Variants in GNPTAB observed in about 807,000 individuals in gnomAD.
GNPTAB encodes the protein N-acetylglucosamine-1-phosphotransferase subunits alpha/beta.
Under a neutral mutation model 136.6 loss-of-function variants are expected in GNPTAB, and 92 were observed. The observed-to-expected ratio is 0.67, with a 90% CI of 0.57 to 0.80. The LOEUF is 0.80. Among genes scored for constraint, GNPTAB ranks in the 30% least tolerant of loss-of-function variants. GNPTAB has a pLI of 0.00. For synonymous variants in GNPTAB, 512 were observed against 535.1 expected (o/e 0.96, Z 0.60); for missense variants, 1,343 against 1,501.8 (o/e 0.89, Z 1.75).
intron 2 of GNPTAB, among the ~76,000 whole-genome samples, chr12:101,795,716 G>C (rs572886311): frequency 6.6e-6 from 1 of 151,876 alleles, no homozygotes; most frequent in African/African-American, 2.4e-5. Flanking sequence ...TCGTGCCACT[G>C]CGCTCCAGCC....
chr12:101,753,262 A>T (rs553008041), intron 19 of GNPTAB, 110 bp downstream of exon 19: 31 of 1,034,962 alleles, frequency 3.0e-5, no homozygotes, highest in Admixed American at 1.4e-4. Flanking sequence ...TCAAAAAAAA[A>T]AAATAAAAAG....
Position 101,764,558 on chromosome 12 carries a change from T to G in GNPTAB, c.2359A>C (p.Arg787=). 1 of 1,613,412 alleles carries G rather than the reference T, an allele frequency of 6.2e-7. No homozygotes were observed. The highest frequency in any genetic ancestry group is 1.1e-5 in the South Asian group (1 of 90,850). ...ACACTCACTGCAGGAAAAGTCAACC[T>G]CTGCAATCTTTCAGACACTCCTAAG... is the stretch of plus-strand genomic sequence containing the variant. ...NSLGVSERLQ[R]LTFPAVSVKV... Residue 787 remains arginine, a synonymous_variant, in exon 13 of 21, where the codon AGG becomes CGG. Transcript: ENST00000299314.
intron 18 of GNPTAB, 94 bp downstream of exon 18, chr12:101,757,118 G>T: frequency 1.4e-6 from 1 of 734,414 alleles, no homozygotes; most frequent in Non-Finnish European, 2.3e-6. Context: ...AGGCCTTTTG[G>T]TCTGTTCCAT....
Position 101,760,025 on chromosome 12 carries a change from C to T in GNPTAB, c.3249+5G>A. ...TTGTACATAAAAGTAACCCATTCCA[C>T]TTACCAGGTTGGGATCATAGTAGGA... On this transcript the variant is annotated splice_donor_5th_base_variant and intron_variant, in intron 16 of 20. Coordinates refer to ENST00000299314, the MANE Select transcript of GNPTAB (RefSeq NM_024312.5). 6.5e-7 allele frequency: 1 copy of T among 1,530,640 alleles called. No homozygotes were observed. Among genetic ancestry groups the T allele is most frequent in the South Asian group, 1.1e-5 (1 of 89,482 alleles). The allele number at this position is 1,530,640 out of a possible 1,614,324, so 94.8% of individuals were successfully genotyped here. A position where few individuals can be genotyped will look rare whatever the true frequency, so the allele number is the denominator to read the frequency against.
chr12:101,798,830 G>C (rs770449790), intron 1 of GNPTAB, among the ~76,000 whole-genome samples: 4 of 152,116 alleles, frequency 2.6e-5, no homozygotes, highest in African/African-American at 9.7e-5. Context: ...TGTTTCTTAC[G>C]TATTTTTCAT....
At chr12:101,752,582 G>T (rs1035905857) in intron 19 of GNPTAB, among the ~76,000 whole-genome samples, 1 of 152,240 alleles carries the variant, frequency 6.6e-6, no homozygotes, top group Non-Finnish European at 1.5e-5. Flanking sequence ...ATTTCAGTAT[G>T]AATTCTCCAA....
intron 1 of GNPTAB, among the ~76,000 whole-genome samples, chr12:101,821,144 C>T (rs963637059): frequency 6.6e-6 from 1 of 151,724 alleles, no homozygotes; most frequent in Non-Finnish European, 1.5e-5. Context: ...TCTTCCACAA[C>T]GATGCTCTAT....
intron 5 of GNPTAB, among the ~76,000 whole-genome samples, chr12:101,781,738 T>A (rs981322012): frequency 2.0e-5 from 3 of 152,176 alleles, no homozygotes; most frequent in African/African-American, 7.2e-5. Context: ...AAAGCCTTCA[T>A]AATACACTGT....
At chr12:101,782,619 T>C (rs1016247055) in intron 5 of GNPTAB, among the ~76,000 whole-genome samples, 4 of 152,220 alleles carry the variant, frequency 2.6e-5, no homozygotes, top group African/African-American at 7.2e-5. Flanking sequence ...CCAGATTGAC[T>C]GCCTGGAATG....
At chr12:101,756,169 T>C (rs946638247) in intron 18 of GNPTAB, 1 of 154,732 alleles carries the variant, frequency 6.5e-6, no homozygotes, top group African/African-American at 2.4e-5. Flanking sequence ...GTGGGAAACA[T>C]TTTGTAAAAA....
rs780940504 is a variant in GNPTAB at position 101,770,510 on chromosome 12, C to T, written c.1009G>A (p.Glu337Lys). 4.3e-6 allele frequency: 7 copies of T among 1,613,078 alleles called. No homozygotes were observed. Among genetic ancestry groups the T allele is most frequent in the African/African-American group, 2.7e-5 (2 of 75,002 alleles). ...EELRYSLRSIERHAPWVRNIF... is the reference protein window; with the variant it reads ...EELRYSLRSIKRHAPWVRNIF... ...TTCCGAACCCATGGTGCATGCCTCTCGATAGATCGCAATGAGTACCTCAGT... is the reference window on the plus strand; with the variant it reads ...TTCCGAACCCATGGTGCATGCCTCTTGATAGATCGCAATGAGTACCTCAGT... Residue 337 changes from glutamate (E) to lysine (K), a missense_variant, in exon 9 of 21, where the codon GAG (glutamate) becomes AAG (lysine). Coordinates refer to ENST00000299314, the MANE Select transcript of GNPTAB (RefSeq NM_024312.5).
intron 7 of GNPTAB, among the ~76,000 whole-genome samples, chr12:101,775,470 G>C (rs539932696): frequency 1.3e-5 from 2 of 150,152 alleles, no homozygotes; most frequent in African/African-American, 4.9e-5. Context: ...AGTGATTCTC[G>C]TGCCTTAGCC....
intron 19 of GNPTAB, among the ~76,000 whole-genome samples, chr12:101,751,287 C>T (rs1952814879): frequency 1.3e-5 from 2 of 152,206 alleles, no homozygotes; most frequent in Non-Finnish European, 2.9e-5. Context: ...TGTCACCTTC[C>T]TGTAACAGAA....
At chr12:101,796,486 T>C (rs1481559603) in intron 2 of GNPTAB, 191 bp downstream of exon 2, 4 of 617,624 alleles carry the variant, frequency 6.5e-6, no homozygotes, top group South Asian at 2.0e-5. Context: ...CTCTGTATCG[T>C]TCCAGTTTTT....
chr12:101,771,246 C>CTTTTT, intron 7 of GNPTAB, 89 bp from the exon 8 acceptor site: 8 of 877,236 alleles, frequency 9.1e-6, no homozygotes, highest in African/African-American at 1.8e-5. Flanking sequence ...TTAATCTTTC[C>CTTTTT]TTTTTTTTTT....
intron 1 of GNPTAB, 21 bp from the exon 2 acceptor site, chr12:101,796,783 C>T (rs372637740): frequency 5.4e-5 from 80 of 1,494,930 alleles, no homozygotes; most frequent in Non-Finnish European, 6.4e-5. Context: ...GAAAAAGAAA[C>T]GTTTTCTTCG....
At chr12:101,809,489 A>G (rs1474246529) in intron 1 of GNPTAB, among the ~76,000 whole-genome samples, 3 of 152,266 alleles carry the variant, frequency 2.0e-5, no homozygotes, top group African/African-American at 4.8e-5. Flanking sequence ...TAGCAGCTTT[A>G]TTCATAATTG....
chr12:101,821,322 G>A (rs1163739935), intron 1 of GNPTAB, among the ~76,000 whole-genome samples: 1 of 152,192 alleles, frequency 6.6e-6, no homozygotes, highest in Non-Finnish European at 1.5e-5. Flanking sequence ...AATGAATGAG[G>A]CAGGCACTCT....
intron 2 of GNPTAB, among the ~76,000 whole-genome samples, chr12:101,792,048 G>T (rs1308933846): frequency 1.3e-5 from 2 of 152,210 alleles, no homozygotes; most frequent in Non-Finnish European, 2.9e-5. Flanking sequence ...ATGTTGTGGA[G>T]AAAGTAAAGC....
Sources: gnomAD v4.1 joint callset for allele counts (sites outside exome capture counted in the v4.1 genomes callset) on GRCh38, gnomAD v4.1.1 for gene constraint, MANE v1.5 for transcripts, NCBI Gene and HGNC (gene_info 2026-07-23, HGNC 2026-07-21) for gene names.